The following ACSM5 variants were observed in gnomAD, a reference collection of about 807,000 sequenced individuals.
ACSM5 encodes acyl-coenzyme A synthetase ACSM5, mitochondrial.
A neutral mutation model predicts 71.6 loss-of-function variants in ACSM5; 56 were observed. That is an observed-to-expected ratio of 0.78 (90% CI 0.63 to 0.98). The LOEUF (loss-of-function observed/expected upper bound fraction) is 0.98. Ranked by LOEUF, ACSM5 falls within the 50% of genes least tolerant of loss-of-function variation. ACSM5 has a pLI of 0.00. For synonymous variants in ACSM5, 285 were observed against 281.5 expected (o/e 1.01, Z -0.12); for missense variants, 723 against 726.0 (o/e 1.00, Z 0.05).
chr16:20,415,238 C>T (rs1027553874), intron 2 of ACSM5, among the ~76,000 whole-genome samples: 1 of 152,190 alleles, frequency 6.6e-6, no homozygotes, highest in African/African-American at 2.4e-5. Flanking sequence ...TTATAAAAGA[C>T]ATTAAAGTTA....
chr16:20,435,936 TTTCC>T (rs142089110), intron 10 of ACSM5, among the ~76,000 whole-genome samples: 33,337 of 148,890 alleles, frequency 0.22, 4,342 homozygotes, highest in East Asian at 0.39. Flanking sequence ...CTTTCTTTTC[TTTCC>T]TTCCTTCCTT....
rs1325968461 is a variant in ACSM5 at position 20,425,578 on chromosome 16, C to G, written c.921+1509C>G. 2.6e-5 allele frequency among the ~76,000 whole-genome samples: 4 copies of G among 152,266 alleles called. No individual in the cohort carries two copies. In the East Asian group the frequency reaches 7.7e-4, roughly 29 times the overall value. ...ATTTGTAGTCTTTTATCCCTCACCC[C>G]CTTCCCACCATTTTCCCCAAGTCCC... is the stretch of plus-strand genomic sequence containing the variant. On this transcript the variant is annotated intron_variant, in intron 6 of 13. Transcript: ENST00000331849.
chr16:20,438,291 T>C (rs113736839), intron 12 of ACSM5, among the ~76,000 whole-genome samples: 17 of 150,998 alleles, frequency 1.1e-4, no homozygotes, highest in African/African-American at 3.6e-4. Flanking sequence ...CTCAGAAGCA[T>C]CAAGACCACA....
chr16:20,433,523 T>A (rs114114694), intron 10 of ACSM5, among the ~76,000 whole-genome samples: 14 of 152,180 alleles, frequency 9.2e-5, no homozygotes, highest in African/African-American at 3.4e-4. Context: ...CAGAAATTAG[T>A]TATGTAAAGG....
At chr16:20,430,792 AGC>A (rs1967079703) in intron 8 of ACSM5, among the ~76,000 whole-genome samples, 199 bp from the exon 9 acceptor site, 2 of 151,480 alleles carry the variant, frequency 1.3e-5, no homozygotes, top group Non-Finnish European at 2.9e-5. Context: ...GGAAGGAGTG[AGC>A]AAGGAAGAAA....
chr16:20,424,625 G>A (rs1966942167), intron 6 of ACSM5, among the ~76,000 whole-genome samples: 1 of 152,160 alleles, frequency 6.6e-6, no homozygotes, highest in Non-Finnish European at 1.5e-5. Flanking sequence ...TGTATCACAT[G>A]GTAGCTAACT....
intron 8 of ACSM5, among the ~76,000 whole-genome samples, chr16:20,430,145 C>G (rs563266462): frequency 1.3e-5 from 2 of 151,800 alleles, no homozygotes; most frequent in South Asian, 2.1e-4. Flanking sequence ...GGATTCACCA[C>G]TATAGAATTC....
At chr16:20,417,033 A>AC (rs1360939959) in intron 2 of ACSM5, among the ~76,000 whole-genome samples, 1 of 151,778 alleles carries the variant, frequency 6.6e-6, no homozygotes, top group African/African-American at 2.4e-5. Flanking sequence ...CAAAAAAAAA[A>AC]AAAAAAGGTA....
intron 4 of ACSM5, among the ~76,000 whole-genome samples, chr16:20,420,009 G>T (rs1188451794): frequency 6.6e-6 from 1 of 152,210 alleles, no homozygotes; most frequent in African/African-American, 2.4e-5. Context: ...AAAGTGACTT[G>T]CCCAAGGTGC....
intron 10 of ACSM5, among the ~76,000 whole-genome samples, chr16:20,432,015 G>A (rs1398297367): frequency 6.6e-6 from 1 of 151,892 alleles, no homozygotes; most frequent in Non-Finnish European, 1.5e-5. Flanking sequence ...TTGTGTCAGA[G>A]CTGTCTTCAG....
intron 2 of ACSM5, chr16:20,411,934 G>A (rs1232177866): frequency 1.3e-5 from 7 of 525,986 alleles, no homozygotes; most frequent in Non-Finnish European, 2.4e-5. Context: ...CACACAGTGA[G>A]ACAGTTATGT....
chr16:20,418,177 G>T lies in ACSM5; in HGVS notation c.323G>T (p.Gly108Val), dbSNP rs184802755. 1.2e-6 allele frequency: 2 copies of T among 1,613,150 alleles called. No homozygotes were observed. The highest frequency in any genetic ancestry group is 2.2e-5 in the East Asian group (1 of 44,876). Residue 108 changes from glycine (G) to valine (V), a missense_variant, in exon 3 of 14, where the codon GGT becomes GTT. Gly to Val is a moderately radical substitution (Grantham distance 109). Coordinates refer to ENST00000331849, the MANE Select transcript of ACSM5 (RefSeq NM_017888.3). ...AGGAAGGCAGCCAATGTGCTGGGGGGTGCATGCGGCCTGCAGCCTGGGGAC... is the reference window on the plus strand; with the variant it reads ...AGGAAGGCAGCCAATGTGCTGGGGGTTGCATGCGGCCTGCAGCCTGGGGAC... ...QSRKAANVLG[G>V]ACGLQPGDRM... is the part of the protein sequence containing the mutation.
At chr16:20,428,962 C>T (rs1175354949) in intron 7 of ACSM5, among the ~76,000 whole-genome samples, 2 of 151,628 alleles carry the variant, frequency 1.3e-5, no homozygotes, top group African/African-American at 4.8e-5. Flanking sequence ...TAATTTTTAT[C>T]TTTTCCATTT....
chr16:20,437,403 C>T, intron 12 of ACSM5, 36 bp downstream of exon 12: 2 of 1,437,140 alleles, frequency 1.4e-6, no homozygotes, highest in Non-Finnish European at 2.0e-6. Context: ...CCTCCTGCTT[C>T]TGTACCTATT....
chr16:20,440,560 T>A lies in ACSM5; in HGVS notation c.*133T>A, dbSNP rs1432992062. The A allele has an allele frequency of 5.2e-6, 4 of 763,732 alleles. No individual in the cohort carries two copies. The highest frequency in any genetic ancestry group is 1.7e-5 in the African/African-American group (1 of 57,328). 47.3% of individuals were successfully genotyped at this position (763,732 alleles called of 1,614,324 possible). On this transcript the variant is annotated 3_prime_UTR_variant, in exon 14 of 14. Coordinates refer to ENST00000331849, the MANE Select transcript of ACSM5 (RefSeq NM_017888.3). ...AAAGGTGTGCAGCTTCCAAACGGCA[T>A]CCCCAGGATCACTGGGCAATGCTGG...
intron 6 of ACSM5, among the ~76,000 whole-genome samples, chr16:20,425,716 A>G (rs1966966042): frequency 6.6e-6 from 1 of 152,180 alleles, no homozygotes; most frequent in Non-Finnish European, 1.5e-5. Flanking sequence ...TACTTAGAAT[A>G]ATAGTCTACA....
At chr16:20,435,886 T>G (rs1434474954) in intron 10 of ACSM5, among the ~76,000 whole-genome samples, 1 of 152,134 alleles carries the variant, frequency 6.6e-6, no homozygotes, top group Non-Finnish European at 1.5e-5. Context: ...ACCAATGAGC[T>G]TTTTGGTGAG....
At chr16:20,411,897 A>T (rs922049928) in intron 2 of ACSM5, 3 of 581,314 alleles carry the variant, frequency 5.2e-6, no homozygotes, top group Non-Finnish European at 9.2e-6. Flanking sequence ...TCCTTCTCTG[A>T]AGTGTCCTGC....
intron 6 of ACSM5, among the ~76,000 whole-genome samples, chr16:20,426,336 C>A (rs1404082406): frequency 3.3e-5 from 5 of 152,152 alleles, no homozygotes; most frequent in Non-Finnish European, 7.3e-5. Flanking sequence ...AAACTTAGCA[C>A]TTTAAAACAC....
Sources: gnomAD v4.1 joint callset for allele counts (sites outside exome capture counted in the v4.1 genomes callset) on GRCh38, gnomAD v4.1.1 for gene constraint, MANE v1.5 for transcripts, NCBI Gene and HGNC (gene_info 2026-07-23, HGNC 2026-07-21) for gene names.